ABLIM1: variants seen among roughly 807,000 people sequenced by gnomAD.
The protein encoded by ABLIM1 is actin binding LIM protein 1, also known as actin-binding LIM protein 1.
ABLIM1 carries 40 observed loss-of-function variants against 107.0 expected under a neutral mutation model. That is an observed-to-expected ratio of 0.37 (90% confidence interval 0.29 to 0.49). The LOEUF (loss-of-function observed/expected upper bound fraction) is 0.49, where lower values mean the gene tolerates loss of function less well. ABLIM1 is among the 20% of genes least tolerant of loss of function. The pLI, the probability that ABLIM1 is intolerant of heterozygous loss-of-function variation, is 0.97. For missense variants in ABLIM1, 857 were observed against 1,008.5 expected (o/e 0.85, Z 2.04); for synonymous variants, 357 against 357.3 (o/e 1.00, Z 0.01).
At chr10:114,612,392 C>T (rs1406045077) in intron 1 of ABLIM1, among the ~76,000 whole-genome samples, 1 of 152,188 alleles carries the variant, frequency 6.6e-6, no homozygotes, top group Non-Finnish European at 1.5e-5. Context: ...TTGGATTTCC[C>T]AGCCTCAGGA....
At chr10:114,537,712 C>G (rs1186659299) in intron 6 of ABLIM1, among the ~76,000 whole-genome samples, 2 of 152,216 alleles carry the variant, frequency 1.3e-5, no homozygotes, top group African/African-American at 4.8e-5. Context: ...TTACTGTCCA[C>G]TGGGACAGAC....
In ABLIM1 at chr10:114,665,116, CAA is replaced by C. The variant is rs34831708; in HGVS notation, c.64+19172_64+19173del. 6.4e-4 allele frequency among the ~76,000 whole-genome samples: 93 copies of C among 144,522 alleles called. 1 individual carries two copies. The highest frequency in any genetic ancestry group is 2.5e-3 in the East Asian group (12 of 4,804). 94.8% of individuals were successfully genotyped at this position (144,522 alleles called of 152,430 possible). A position where few individuals can be genotyped will look rare whatever the true frequency, so the allele number is the denominator to read the frequency against. On this transcript the variant is annotated intron_variant, in intron 1 of 23. Coordinates refer to the ABLIM1 transcript ENST00000369256. ...TCGGCGAAAGAGCGAGACTCCGTCT[CAA>C]AAAAAAAAAAAAGTTCCAGAACAGA... is the stretch of plus-strand genomic sequence containing the variant.
the ABLIM1 span, among the ~76,000 whole-genome samples, chr10:114,790,906 G>A: frequency 1.3e-5 from 2 of 152,042 alleles, no homozygotes; most frequent in Non-Finnish European, 2.9e-5. Flanking sequence ...CCCTAAAATT[G>A]TAATTAAAAT....
intron 2 of ABLIM1, among the ~76,000 whole-genome samples, chr10:114,600,941 G>T (rs999684987): frequency 6.6e-6 from 1 of 152,064 alleles, no homozygotes; most frequent in African/African-American, 2.4e-5. Flanking sequence ...AACCCCAAAA[G>T]GTAGGCTTGT....
At chr10:114,705,770 T>C (rs1566257578) in intron 1 of ABLIM1, among the ~76,000 whole-genome samples, 1 of 152,354 alleles carries the variant, frequency 6.6e-6, no homozygotes, top group East Asian at 1.9e-4. Flanking sequence ...TAAGATATTT[T>C]CATCAACAAA....
intron 15 of ABLIM1, among the ~76,000 whole-genome samples, chr10:114,445,933 C>T (rs2060953922): frequency 6.6e-6 from 1 of 152,108 alleles, no homozygotes; most frequent in South Asian, 2.1e-4. Flanking sequence ...CCATACCCTA[C>T]TGATTTTTAA....
At chr10:114,757,885 C>T (rs1445710068) in intron 1 of ABLIM1, among the ~76,000 whole-genome samples, 1 of 152,104 alleles carries the variant, frequency 6.6e-6, no homozygotes, top group Non-Finnish European at 1.5e-5. Flanking sequence ...CTTCCCCCAA[C>T]TACCTCTCTG....
At chr10:114,597,533 G>T (rs1032545662) in intron 2 of ABLIM1, among the ~76,000 whole-genome samples, 2 of 151,120 alleles carry the variant, frequency 1.3e-5, no homozygotes, top group Admixed American at 6.6e-5. Context: ...GAAGGAAAAG[G>T]AAAGAAATAG....
chr10:114,773,740 CA>C, the ABLIM1 span, among the ~76,000 whole-genome samples: 7 of 151,584 alleles, frequency 4.6e-5, no homozygotes, highest in Non-Finnish European at 1.0e-4. Flanking sequence ...ACAAACAAAA[CA>C]AAAAAATTGC....
At chr10:114,529,851 AC>A (rs1408102859) in intron 6 of ABLIM1, among the ~76,000 whole-genome samples, 3 of 151,902 alleles carry the variant, frequency 2.0e-5, no homozygotes, top group Admixed American at 6.6e-5. Flanking sequence ...ATATGGTGAA[AC>A]CCTGTCTCTA....
At chr10:114,517,576 T>C (rs913955669) in intron 6 of ABLIM1, among the ~76,000 whole-genome samples, 2 of 152,126 alleles carry the variant, frequency 1.3e-5, no homozygotes, top group African/African-American at 4.8e-5. Flanking sequence ...TAGGAACGAA[T>C]TCAAGGCATC....
intron 2 of ABLIM1, among the ~76,000 whole-genome samples, chr10:114,578,407 T>C (rs2072890666): frequency 7.2e-6 from 1 of 138,610 alleles, no homozygotes; most frequent in South Asian, 2.2e-4. Flanking sequence ...ACATTTTCTG[T>C]TGTTTTTTTT....
intron 2 of ABLIM1, among the ~76,000 whole-genome samples, chr10:114,589,332 C>A (rs2074573562): frequency 6.6e-6 from 1 of 150,458 alleles, no homozygotes; most frequent in African/African-American, 2.4e-5. Flanking sequence ...AAGTTTGAGA[C>A]CAGCCTGGCC....
chr10:114,444,008 G>T (rs1434313125), intron 17 of ABLIM1, 21 bp downstream of exon 17: 27 of 1,591,060 alleles, frequency 1.7e-5, no homozygotes, highest in Non-Finnish European at 2.3e-5. Context: ...AATCAGGGAA[G>T]GTTGGGGGTT....
At chr10:114,533,665 G>T (rs1290437872) in intron 6 of ABLIM1, among the ~76,000 whole-genome samples, 1 of 152,044 alleles carries the variant, frequency 6.6e-6, no homozygotes, top group East Asian at 1.9e-4. Flanking sequence ...TCGTGTTTTT[G>T]TTGTTGTTGT....
At chr10:114,796,188 T>C in the ABLIM1 span, among the ~76,000 whole-genome samples, 1 of 152,184 alleles carries the variant, frequency 6.6e-6, no homozygotes, top group African/African-American at 2.4e-5. Context: ...ACCCCAAGCA[T>C]AGAGGCTTAA....
intron 6 of ABLIM1, among the ~76,000 whole-genome samples, chr10:114,512,211 A>T (rs1370046291): frequency 8.5e-5 from 13 of 152,230 alleles, no homozygotes; most frequent in African/African-American, 3.1e-4. Flanking sequence ...TCCTGTGCGT[A>T]AAAAGGGCTG....
upstream of ABLIM1, among the ~76,000 whole-genome samples, chr10:114,661,573 C>G: frequency 6.6e-6 from 1 of 152,188 alleles, no homozygotes; most frequent in East Asian, 1.9e-4. Flanking sequence ...CTGCCACAGC[C>G]CACATAAAAC....
chr10:114,566,488 G>A (rs2070760678), intron 4 of ABLIM1, among the ~76,000 whole-genome samples: 1 of 152,160 alleles, frequency 6.6e-6, no homozygotes, highest in South Asian at 2.1e-4. Context: ...AGAAGGGAGT[G>A]GAATGAAGCT....
Sources: gnomAD v4.1 joint callset for allele counts (sites outside exome capture counted in the v4.1 genomes callset) on GRCh38, gnomAD v4.1.1 for gene constraint, MANE v1.5 for transcripts, NCBI Gene and HGNC (gene_info 2026-07-23, HGNC 2026-07-21) for gene names.